GIMAP8: variants seen among roughly 807,000 people sequenced by gnomAD.
GIMAP8 encodes GTPase IMAP family member 8.
In GIMAP8, 29 loss-of-function variants were observed where a neutral mutation model predicts 35.6. The ratio of observed to expected loss-of-function variants is 0.81; its 90% CI spans 0.61 to 1.11. GIMAP8 has a LOEUF of 1.11. Ranked by LOEUF, GIMAP8 falls within the 50% of genes most tolerant of loss-of-function variation. The pLI, the probability that GIMAP8 is intolerant of heterozygous loss-of-function variation, is 0.00. For missense variants in GIMAP8, 811 were observed against 805.0 expected (o/e 1.01, Z -0.09); for synonymous variants, 335 against 308.7 (o/e 1.09, Z -0.89).
At position 150,450,737 on chromosome 7, in the gene GIMAP8, T is replaced by G. The variant is rs1434958841; in HGVS notation, c.-467T>G. The G allele has an allele frequency of 6.6e-6, 1 of 152,632 alleles. No homozygotes were observed. Among genetic ancestry groups the G allele is most frequent in the Non-Finnish European group, 1.5e-5 (1 of 68,380 alleles). The allele number at this position is 152,632 out of a possible 1,614,324, so 9.5% of individuals were successfully genotyped here. On this transcript the variant is annotated 5_prime_UTR_variant, in exon 1 of 5. Coordinates refer to ENST00000307271, the MANE Select transcript of GIMAP8 (RefSeq NM_175571.4). The surrounding 1 kb of genome is among the most constrained non-coding windows in gnomAD (Gnocchi z 4.4). Reference sequence around the variant, plus strand: ...ATCCAAGCCCCTGTTCTTGCAGCCCTTCTGAAGCTCAGCCTGGCACCGGCC... The same window carrying G: ...ATCCAAGCCCCTGTTCTTGCAGCCCGTCTGAAGCTCAGCCTGGCACCGGCC...
rs1295645657 is a variant in GIMAP8 at position 150,451,709 on chromosome 7, G to C, written c.-29+534G>C. ...GAGCTCCTCCCGCAAAGCAGGGGGT[G>C]GGGGATGCTGATTTTTCCACGTCTG... On this transcript the variant is annotated intron_variant, in intron 1 of 4. Transcript: ENST00000307271. This position sits in a 1 kb window ranked among gnomAD's most constrained non-coding sequence, Gnocchi z 4.1. Among the ~76,000 whole-genome samples, 1 of 152,208 alleles carries C rather than the reference G, an allele frequency of 6.6e-6. No individual in the cohort carries two copies. Among genetic ancestry groups the C allele is most frequent in the Non-Finnish European group, 1.5e-5 (1 of 68,040 alleles).
chr7:150,477,304 T>A lies in GIMAP8; in HGVS notation c.1522T>A (p.Ser508Thr). The A allele has an allele frequency of 6.2e-7, 1 of 1,613,984 alleles. No individual in the cohort carries two copies. The highest frequency in any genetic ancestry group is 1.1e-5 in the South Asian group (1 of 91,068). Residue 508 changes from serine to threonine, a missense_variant, in exon 5 of 5, where the codon TCC (serine) becomes ACC (threonine). Coordinates refer to ENST00000307271, the MANE Select transcript of GIMAP8 (RefSeq NM_175571.4). ...NQMLDVEKDP[S>T]RLEEEVKRCL... ...GATGCTGGATGTCGAAAAGGACCCA[T>A]CCCGGTTAGAAGAGGAGGTCAAGCG...
rs1387984573 is a variant in GIMAP8, at chr7:150,451,678, C to A, written c.-29+503C>A. ...CCGCAGAGCAGCCCCCAGGAGGAAG[C>A]CAGCGGAGCTCCTCCCGCAAAGCAG... On this transcript the variant is annotated intron_variant, in intron 1 of 4. Transcript: ENST00000307271. This position sits in a 1 kb window ranked among gnomAD's most constrained non-coding sequence, Gnocchi z 4.1. 6.6e-6 allele frequency among the ~76,000 whole-genome samples: 1 copy of A among 152,178 alleles called. No homozygotes were observed. The highest frequency in any genetic ancestry group is 2.4e-5 in the African/African-American group (1 of 41,432).
intron 4 of GIMAP8, among the ~76,000 whole-genome samples, chr7:150,475,222 T>G (rs970442341): frequency 1.2e-4 from 18 of 152,234 alleles, no homozygotes; most frequent in African/African-American, 3.4e-4. Context: ...TTCATTCTTT[T>G]TTATGGCTGC....
chr7:150,452,675 G>GATAGATATATATATATATAT (rs1379119203), intron 1 of GIMAP8, among the ~76,000 whole-genome samples: 4 of 79,672 alleles, frequency 5.0e-5, no homozygotes, highest in African/African-American at 2.1e-4. Flanking sequence ...GTGTGTGTGA[G>GATAGATATATATATATATAT]ATATATATAT....
chr7:150,460,733 A>G (rs1470471857), intron 1 of GIMAP8, among the ~76,000 whole-genome samples: 1 of 152,274 alleles, frequency 6.6e-6, no homozygotes, highest in African/African-American at 2.4e-5. Context: ...AGAAGGCAGT[A>G]TAGCAGGAGT....
rs1802298456 is a variant in GIMAP8, at chr7:150,478,632, G to T, written c.*852G>T. On this transcript the variant is annotated 3_prime_UTR_variant, in exon 5 of 5. Coordinates refer to ENST00000307271, the MANE Select transcript of GIMAP8 (RefSeq NM_175571.4). Reference sequence around the variant, plus strand: ...CTCCTTCTCTTTCCCTTGAGGTTAGGAAACAGGTTAAAACTCAGAGAACTC... The same window carrying T: ...CTCCTTCTCTTTCCCTTGAGGTTAGTAAACAGGTTAAAACTCAGAGAACTC... The T allele has an allele frequency of 6.6e-6, 1 of 152,148 alleles. No individual in the cohort carries two copies. Among genetic ancestry groups the T allele is most frequent in the Non-Finnish European group, 1.5e-5 (1 of 68,038 alleles). 9.4% of individuals were successfully genotyped at this position (152,148 alleles called of 1,614,324 possible).
intron 1 of GIMAP8, among the ~76,000 whole-genome samples, chr7:150,463,244 T>C (rs1449929203): frequency 6.6e-6 from 1 of 152,130 alleles, no homozygotes; most frequent in African/African-American, 2.4e-5. Context: ...TCATGAATTG[T>C]TTTTTCTGAT....
chr7:150,474,132 T>C lies in GIMAP8; in HGVS notation c.803T>C (p.Leu268Pro). The stretch of plus-strand genomic sequence containing the variant: ...AAAAGTGCAGCAGGAAACAGCATTC[T>C]GGGGAGGCAGGCCTTTCAGACCGGA... Reference protein sequence around the residue: ...AGKSAAGNSILGRQAFQTGFS... With the variant: ...AGKSAAGNSIPGRQAFQTGFS... The change falls in exon 4 of 5, where the codon CTG becomes CCG. Residue 268 changes from leucine to proline, a missense_variant. By Grantham distance (98) the Leu-to-Pro change is moderately conservative. Transcript: ENST00000307271. 1 of 1,614,178 alleles carries C rather than the reference T, an allele frequency of 6.2e-7. No individual in the cohort carries two copies. The highest frequency in any genetic ancestry group is 1.1e-5 in the South Asian group (1 of 91,080).
chr7:150,470,771 G>GAT, intron 2 of GIMAP8, 58 bp from the exon 3 acceptor site: 1 of 256,828 alleles, frequency 3.9e-6, no homozygotes, highest in South Asian at 5.2e-5. Context: ...TTTTTTTTCA[G>GAT]TTTGTGGAAG....
chr7:150,469,536 T>C lies in GIMAP8; in HGVS notation c.637-1293T>C, dbSNP rs572962872. ...GTCAGGAATTGCTGTGAGAATTAAA[T>C]GAAATGCTTACAAAGTCGTTAACAA... On this transcript the variant is annotated intron_variant, in intron 2 of 4. Coordinates refer to ENST00000307271, the MANE Select transcript of GIMAP8 (RefSeq NM_175571.4). Among the ~76,000 whole-genome samples, 8 of 152,352 alleles carry C rather than the reference T, an allele frequency of 5.3e-5. No individual in the cohort carries two copies. The East Asian group carries it at 5.8e-4, about 11-fold the overall frequency.
intron 2 of GIMAP8, among the ~76,000 whole-genome samples, chr7:150,470,495 A>G (rs6969414): frequency 0.33 from 49,640 of 151,692 alleles, 8,235 homozygotes; most frequent in East Asian, 0.41. Context: ...GGGGGTGGGG[A>G]ACGGGATTCC....
At chr7:150,464,693 A>G (rs553429102) in intron 1 of GIMAP8, among the ~76,000 whole-genome samples, 59 of 152,320 alleles carry the variant, frequency 3.9e-4, no homozygotes, top group African/African-American at 1.3e-3. Flanking sequence ...TAAAACAGAA[A>G]AAAAAGAAAA....
Position 150,477,443 on chromosome 7 carries a change from C to T in GIMAP8, c.1661C>T (p.Ala554Val). 6.2e-7 allele frequency: 1 copy of T among 1,613,702 alleles called. No homozygotes were observed. The highest frequency in any genetic ancestry group is 8.5e-7 in the Non-Finnish European group (1 of 1,179,580). The change falls in exon 5 of 5, where the codon GCA becomes GTA. Residue 554 changes from alanine (A) to valine (V), a missense_variant. By Grantham distance (64) the Ala-to-Val change is moderately conservative. Coordinates refer to ENST00000307271, the MANE Select transcript of GIMAP8 (RefSeq NM_175571.4). ...GCGAAACTGGAGGCCATCTTTGGAG[C>T]AGACTTTACGAAATACGCGATTATG... ...AVAKLEAIFG[A>V]DFTKYAIMLF...
chr7:150,452,908 C>G (rs528296636), intron 1 of GIMAP8, among the ~76,000 whole-genome samples: 1 of 150,882 alleles, frequency 6.6e-6, no homozygotes, highest in East Asian at 1.9e-4. Flanking sequence ...TTCTAAAAAC[C>G]GTTTTTCTTC....
chr7:150,455,948 T>G (rs1801722176), intron 1 of GIMAP8, among the ~76,000 whole-genome samples: 1 of 152,136 alleles, frequency 6.6e-6, no homozygotes, highest in African/African-American at 2.4e-5. Context: ...TGACTTTTTG[T>G]TTTAATATTT....
chr7:150,473,823 A>G (rs1221744901), intron 3 of GIMAP8, among the ~76,000 whole-genome samples, 189 bp from the exon 4 acceptor site: 1 of 151,950 alleles, frequency 6.6e-6, no homozygotes, highest in Non-Finnish European at 1.5e-5. Context: ...AATATCTCTT[A>G]GTTCACTCCT....
At chr7:150,464,512 T>C (rs1015028151) in intron 1 of GIMAP8, among the ~76,000 whole-genome samples, 2 of 152,018 alleles carry the variant, frequency 1.3e-5, no homozygotes, top group Non-Finnish European at 1.5e-5. Context: ...AGAGACCCCA[T>C]CTCTACAAAA....
At position 150,462,766 on chromosome 7, in the gene GIMAP8, A is replaced by G. The variant is rs138274530; in HGVS notation, c.-28-3905A>G. Among the ~76,000 whole-genome samples the G allele has an allele frequency of 5.0e-3, 756 of 152,286 alleles. 6 individuals carry two copies. The highest frequency in any genetic ancestry group is 0.017 in the African/African-American group (720 of 41,582). ...AGACTTTTATCTTGCTGTTTTTAGA[A>G]TTCTTTCTTTGTCTTTGACTTTTGA... is the stretch of plus-strand genomic sequence containing the variant. On this transcript the variant is annotated intron_variant, in intron 1 of 4. Transcript: ENST00000307271.
Sources: allele counts gnomAD v4.1 joint callset (sites outside exome capture counted in the v4.1 genomes callset), GRCh38; gene constraint gnomAD v4.1.1; non-coding constraint Gnocchi (gnomAD v3.1); transcripts MANE v1.5; gene names NCBI Gene and HGNC (gene_info 2026-07-23, HGNC 2026-07-21).